Variants in PITPNC1 observed in about 807,000 individuals in gnomAD.
PITPNC1 encodes the protein phosphatidylinositol transfer protein cytoplasmic 1, also known as cytoplasmic phosphatidylinositol transfer protein 1.
In PITPNC1, 18 loss-of-function variants were observed where a neutral mutation model predicts 44.7. The observed-to-expected ratio is 0.40, with a 90% confidence interval of 0.28 to 0.60. PITPNC1 has a LOEUF of 0.60. PITPNC1 is among the 20% of genes least tolerant of loss of function. The pLI is 0.39. For synonymous variants in PITPNC1, 141 were observed against 149.6 expected, an observed-to-expected ratio of 0.94 and a Z score of 0.42; for missense variants, 290 against 418.4, an observed-to-expected ratio of 0.69 and a Z score of 2.68.
At chr17:67,515,187 A>G (rs918739425) in intron 1 of PITPNC1, among the ~76,000 whole-genome samples, 1 of 152,236 alleles carries the variant, frequency 6.6e-6, no homozygotes, top group Admixed American at 6.5e-5. Flanking sequence ...ACAATATGTC[A>G]GTATGCAAAT....
chr17:67,537,843 G>A (rs71382134), intron 2 of PITPNC1, among the ~76,000 whole-genome samples: 4,415 of 151,730 alleles, frequency 0.029, 92 homozygotes, highest in Middle Eastern at 0.058. Flanking sequence ...ATGGTGGCGG[G>A]TGCCTGTAAT....
At chr17:67,486,075 G>A (rs1243230726) in intron 1 of PITPNC1, among the ~76,000 whole-genome samples, 2 of 152,136 alleles carry the variant, frequency 1.3e-5, no homozygotes, top group African/African-American at 4.8e-5. Flanking sequence ...TGAAACTTTA[G>A]CATGAGAGTT....
intron 1 of PITPNC1, among the ~76,000 whole-genome samples, chr17:67,402,493 AC>A (rs1162551187): frequency 6.6e-6 from 1 of 150,490 alleles, no homozygotes; most frequent in East Asian, 2.0e-4. Flanking sequence ...GGTCTTCTCC[AC>A]CCCCCATCCC....
intron 2 of PITPNC1, among the ~76,000 whole-genome samples, chr17:67,552,029 C>A (rs561485666): frequency 1.3e-5 from 2 of 152,266 alleles, no homozygotes; most frequent in African/African-American, 4.8e-5. Flanking sequence ...TGATGGAGTC[C>A]CCCACCAGGC....
chr17:67,643,937 G>A (rs1282668446), intron 6 of PITPNC1, among the ~76,000 whole-genome samples: 3 of 152,296 alleles, frequency 2.0e-5, no homozygotes, highest in Non-Finnish European at 2.9e-5. Context: ...GTTTGTTTGC[G>A]TGTCGCTTTT....
chr17:67,616,132 C>CT (rs936094539), intron 5 of PITPNC1, among the ~76,000 whole-genome samples: 1 of 151,940 alleles, frequency 6.6e-6, no homozygotes, highest in African/African-American at 2.4e-5. Context: ...TTTCTGTCCT[C>CT]TTTTTTGTTT....
intron 1 of PITPNC1, among the ~76,000 whole-genome samples, chr17:67,503,393 G>A (rs2040061126): frequency 6.6e-6 from 1 of 152,154 alleles, no homozygotes; most frequent in Non-Finnish European, 1.5e-5. Context: ...CTCACTCTGG[G>A]TCACAGAGCT....
chr17:67,577,470 A>C (rs930066991), intron 4 of PITPNC1, among the ~76,000 whole-genome samples: 1 of 151,380 alleles, frequency 6.6e-6, no homozygotes, highest in Non-Finnish European at 1.5e-5. Flanking sequence ...CTAAGGCATG[A>C]GAATCACTTG....
chr17:67,665,943 C>T (rs148728319), intron 6 of PITPNC1, among the ~76,000 whole-genome samples: 50 of 151,756 alleles, frequency 3.3e-4, no homozygotes, highest in African/African-American at 9.9e-4. Flanking sequence ...TGGATTCAAG[C>T]GCTTCTCTTG....
intron 1 of PITPNC1, among the ~76,000 whole-genome samples, chr17:67,431,511 T>A (rs770218634): frequency 7.2e-5 from 11 of 152,222 alleles, no homozygotes; most frequent in Non-Finnish European, 1.5e-4. Context: ...TCCTTGATAG[T>A]ACAATGAGTT....
chr17:67,401,176 C>T (rs1045285862), intron 1 of PITPNC1, among the ~76,000 whole-genome samples: 1 of 152,166 alleles, frequency 6.6e-6, no homozygotes, highest in African/African-American at 2.4e-5. Flanking sequence ...CTCAAGTGAT[C>T]CGCCCGCCCT....
chr17:67,378,521 C>G (rs763943659), intron 1 of PITPNC1, among the ~76,000 whole-genome samples: 102 of 152,268 alleles, frequency 6.7e-4, no homozygotes, highest in Non-Finnish European at 1.1e-3. Context: ...TAAACCAAAC[C>G]CAAGAGCCCC....
chr17:67,502,866 C>T (rs913349982), intron 1 of PITPNC1, among the ~76,000 whole-genome samples: 3 of 151,900 alleles, frequency 2.0e-5, no homozygotes, highest in African/African-American at 7.3e-5. Flanking sequence ...GATCTTGGCT[C>T]CTCTGCAACC....
intron 1 of PITPNC1, among the ~76,000 whole-genome samples, chr17:67,431,896 A>G (rs2038862228): frequency 6.6e-6 from 1 of 152,156 alleles, no homozygotes; most frequent in Non-Finnish European, 1.5e-5. Context: ...AGCAACATTT[A>G]TCTTTAGTCT....
In PITPNC1 at chr17:67,494,184, T is replaced by TC. The variant is rs1555657770; in HGVS notation, c.49-38618_49-38617insC. On this transcript the variant is annotated intron_variant, in intron 1 of 8. Transcript: ENST00000581322. ...ACCTCTTTCTTTCTTTCTTTCTTTC[T>TC]TTTTCTTTCTTTCTTTCTTTCTTTC... is the stretch of plus-strand genomic sequence containing the variant. Among the ~76,000 whole-genome samples the TC allele has an allele frequency of 9.5e-3, 296 of 31,220 alleles. 4 individuals are homozygous for TC. The highest frequency in any genetic ancestry group is 0.035 in the African/African-American group (274 of 7,820). The allele number at this position is 31,220 out of a possible 152,430, so 20.5% of individuals were successfully genotyped here.
At chr17:67,622,397 T>G (rs1359770551) in intron 5 of PITPNC1, among the ~76,000 whole-genome samples, 1 of 151,070 alleles carries the variant, frequency 6.6e-6, no homozygotes, top group Non-Finnish European at 1.5e-5. Flanking sequence ...TATATATATA[T>G]TCATAAATAG....
chr17:67,493,079 T>C (rs2039885570), intron 1 of PITPNC1, among the ~76,000 whole-genome samples: 1 of 152,226 alleles, frequency 6.6e-6, no homozygotes, highest in African/African-American at 2.4e-5. Flanking sequence ...GTTTTCCTAT[T>C]AATTTTTTAA....
chr17:67,687,756 C>T (rs895266577), intron 8 of PITPNC1, among the ~76,000 whole-genome samples: 10 of 152,268 alleles, frequency 6.6e-5, no homozygotes, highest in African/African-American at 2.4e-4. Context: ...ATGTGCTGAG[C>T]TGCCTAGCAG....
intron 4 of PITPNC1, among the ~76,000 whole-genome samples, chr17:67,568,413 A>C (rs12942959): frequency 0.024 from 3,693 of 152,290 alleles, 65 homozygotes; most frequent in Middle Eastern, 0.054. Context: ...AATGTTCTAA[A>C]ATTAGATTGT....
Sources: allele counts gnomAD v4.1 joint callset (sites outside exome capture counted in the v4.1 genomes callset), GRCh38; gene constraint gnomAD v4.1.1; transcripts MANE v1.5; gene names NCBI Gene and HGNC (gene_info 2026-07-23, HGNC 2026-07-21).